NLRP3: variants seen among roughly 807,000 people sequenced by gnomAD.
NLRP3 encodes the protein NACHT, LRR and PYD domains-containing protein 3.
NLRP3 carries 48 observed loss-of-function variants against 91.3 expected under a neutral mutation model. That is an observed-to-expected ratio of 0.53 (90% CI 0.42 to 0.67). NLRP3 has a LOEUF of 0.67. Among genes scored for constraint, NLRP3 ranks in the 30% least tolerant of loss-of-function variants. The pLI, the probability that NLRP3 is intolerant of heterozygous loss-of-function variation, is 0.00. For missense variants in NLRP3, 982 were observed against 1,276.9 expected (o/e 0.77, Z 3.52); for synonymous variants, 561 against 507.9 (o/e 1.10, Z -1.41).
intron 5 of NLRP3, among the ~76,000 whole-genome samples, chr1:247,431,004 T>G (rs1455497570): frequency 6.6e-6 from 1 of 151,782 alleles, no homozygotes; most frequent in Non-Finnish European, 1.5e-5. Flanking sequence ...TTTGTATGGG[T>G]TGAAATGTCA....
At position 247,423,363 on chromosome 1, in the gene NLRP3, G is replaced by C. The variant is rs533932308; in HGVS notation, c.397+14G>C. ...AAATGAAGAAAGGTAAGCGACTGGGGTGGTGCTTCTAGTTGAGTTTTAAGA... is the reference window on the plus strand; with the variant it reads ...AAATGAAGAAAGGTAAGCGACTGGGCTGGTGCTTCTAGTTGAGTTTTAAGA... On this transcript the variant is annotated intron_variant, in intron 3 of 9. Transcript: ENST00000336119. 6.2e-7 allele frequency: 1 copy of C among 1,613,692 alleles called. No homozygotes were observed. Among genetic ancestry groups the C allele is most frequent in the African/African-American group, 1.3e-5 (1 of 74,912 alleles).
rs1283083040 is a variant in NLRP3 at position 247,424,547 on chromosome 1, G to A, written c.1098G>A (p.Val366=). The change falls in exon 4 of 10, where the codon GTG becomes GTA. Residue 366 remains valine, a synonymous_variant. Coordinates refer to ENST00000336119, the MANE Select transcript of NLRP3 (RefSeq NM_001243133.2). The surrounding 1 kb of genome is among the most constrained non-coding windows in gnomAD (Gnocchi z 8.1). ...ACTTGCTGGACCATCCTCGGCATGT[G>A]GAGATCCTGGGTTTCTCCGAGGCCA... is the stretch of plus-strand genomic sequence containing the variant. The part of the protein sequence containing the change: ...LQHLLDHPRH[V]EILGFSEAKR... 6.2e-7 allele frequency: 1 copy of A among 1,614,162 alleles called. No individual in the cohort carries two copies. The highest frequency in any genetic ancestry group is 2.2e-5 in the East Asian group (1 of 44,882).
intron 7 of NLRP3, 178 bp from the exon 8 acceptor site, chr1:247,443,794 C>T (rs1353830456): frequency 1.5e-6 from 1 of 659,602 alleles, no homozygotes; most frequent in Non-Finnish European, 2.7e-6. Context: ...TTTGTGTCTC[C>T]TGTGACAGCC....
intron 2 of NLRP3, among the ~76,000 whole-genome samples, chr1:247,419,772 T>G (rs970886118): frequency 1.3e-5 from 2 of 152,260 alleles, no homozygotes; most frequent in African/African-American, 4.8e-5. Flanking sequence ...TAAAAAAGAC[T>G]GTATAAATAC....
chr1:247,426,693 C>G (rs972065790), intron 4 of NLRP3, among the ~76,000 whole-genome samples: 1 of 152,192 alleles, frequency 6.6e-6, no homozygotes, highest in African/African-American at 2.4e-5. Context: ...TGAGGTCTGG[C>G]TGTGGGACAG....
intron 4 of NLRP3, among the ~76,000 whole-genome samples, chr1:247,428,754 A>C (rs1663091178): frequency 6.6e-6 from 1 of 152,142 alleles, no homozygotes; most frequent in South Asian, 2.1e-4. Context: ...CAGGAGTTTG[A>C]GGCTGCAGTG....
Position 247,446,039 on chromosome 1 carries a change from G to A in NLRP3, c.3005+1218G>A, listed in dbSNP as rs116010734. ...ACACCCTTGCTACTCTCTTCTACCC[G>A]AAACCTGATTCTTCCCCATTTCAGT... is the stretch of plus-strand genomic sequence containing the variant. On this transcript the variant is annotated intron_variant, in intron 9 of 9. Transcript: ENST00000336119. Among the ~76,000 whole-genome samples, 449 of 152,138 alleles carry A rather than the reference G, an allele frequency of 3.0e-3. 1 individual carries two copies. Among genetic ancestry groups the A allele is most frequent in the Non-Finnish European group, 5.0e-3 (338 of 67,998 alleles).
intron 2 of NLRP3, among the ~76,000 whole-genome samples, chr1:247,422,249 C>T (rs181229361): frequency 1.3e-4 from 20 of 151,692 alleles, no homozygotes; most frequent in South Asian, 4.2e-4. Context: ...TGTGGTGGCA[C>T]GTGTCAATAG....
Position 247,425,631 on chromosome 1 carries a change from C to T in NLRP3, c.2150+32C>T. On this transcript the variant is annotated intron_variant, in intron 4 of 9. Coordinates refer to ENST00000336119, the MANE Select transcript of NLRP3 (RefSeq NM_001243133.2). The surrounding 1 kb of genome is among the most constrained non-coding windows in gnomAD (Gnocchi z 4.1). ...AAACTCGGCTTCCAGGTGCTTCCTC[C>T]TGCTTCCTCGCCAGCTTCTTCTTGG... is the stretch of plus-strand genomic sequence containing the variant. 1 of 1,595,024 alleles carries T rather than the reference C, an allele frequency of 6.3e-7. No individual in the cohort carries two copies. The highest frequency in any genetic ancestry group is 8.5e-7 in the Non-Finnish European group (1 of 1,175,840).
chr1:247,444,083 G>C lies in NLRP3; in HGVS notation c.2775G>C (p.Lys925Asn). ...TGCGAGGCAACACTCTCGGAGACAAGGGGATCAAACTACTCTGTGAGGGAC... is the reference window on the plus strand; with the variant it reads ...TGCGAGGCAACACTCTCGGAGACAACGGGATCAAACTACTCTGTGAGGGAC... The part of the protein sequence containing the change: ...LYLRGNTLGD[K>N]GIKLLCEGLL... The change falls in exon 8 of 10, where the codon AAG (lysine) becomes AAC (asparagine). Residue 925 changes from lysine (K) to asparagine (N), a missense_variant. Lys to Asn is a moderately conservative substitution (Grantham distance 94, BLOSUM62 0). Coordinates refer to ENST00000336119, the MANE Select transcript of NLRP3 (RefSeq NM_001243133.2). The C allele has an allele frequency of 1.2e-6, 2 of 1,614,180 alleles. No individual in the cohort carries two copies. The highest frequency in any genetic ancestry group is 2.7e-5 in the African/African-American group (2 of 75,022).
At chr1:247,444,224 T>C in intron 8 of NLRP3, 82 bp downstream of exon 8, 1 of 1,380,678 alleles carries the variant, frequency 7.2e-7, no homozygotes, top group South Asian at 1.2e-5. Flanking sequence ...GGCCACAAGA[T>C]AATCTGTATC....
chr1:247,426,719 A>G (rs938209726), intron 4 of NLRP3, among the ~76,000 whole-genome samples: 12 of 152,208 alleles, frequency 7.9e-5, no homozygotes, highest in Admixed American at 1.3e-4. Context: ...AAACAAGTGC[A>G]GATGTCGGGG....
chr1:247,444,798 G>A lies in NLRP3; in HGVS notation c.2982G>A (p.Gln994=). The A allele has an allele frequency of 1.2e-6, 2 of 1,614,070 alleles. No individual in the cohort carries two copies. Among genetic ancestry groups the A allele is most frequent in the Non-Finnish European group, 1.7e-6 (2 of 1,180,032 alleles). ...VMMFCEVLKQ[Q]SCLLQNLGLS... Reference sequence around the variant, plus strand: ...TGTTCTGTGAAGTGCTGAAACAGCAGAGCTGCCTCCTGCAGAACCTGGGGT... The same window carrying A: ...TGTTCTGTGAAGTGCTGAAACAGCAAAGCTGCCTCCTGCAGAACCTGGGGT... The change falls in exon 9 of 10, where the codon CAG becomes CAA. Residue 994 remains glutamine (Q), a synonymous_variant. Transcript: ENST00000336119.
chr1:247,418,895 C>T lies in NLRP3; in HGVS notation c.95C>T (p.Pro32Leu). The change falls in exon 2 of 10, where the codon CCC becomes CTC. Residue 32 changes from proline (P) to leucine (L), a missense_variant. This residue lies in a region of NLRP3 where 548 missense variants were observed against 713.7 expected (regional missense o/e 0.77). Coordinates refer to ENST00000336119, the MANE Select transcript of NLRP3 (RefSeq NM_001243133.2). ...KFKMHLEDYP[P>L]QKGCIPLPRG... ...AAGATGCACTTAGAGGACTATCCTC[C>T]CCAGAAGGGCTGCATCCCCCTCCCG... The T allele has an allele frequency of 6.2e-7, 1 of 1,614,046 alleles. No individual in the cohort carries two copies. Among genetic ancestry groups the T allele is most frequent in the Non-Finnish European group, 8.5e-7 (1 of 1,180,008 alleles).
At chr1:247,430,175 C>G (rs1392793031) in intron 5 of NLRP3, among the ~76,000 whole-genome samples, 1 of 152,150 alleles carries the variant, frequency 6.6e-6, no homozygotes, top group Non-Finnish European at 1.5e-5. Flanking sequence ...CGCACCCGGC[C>G]GGTGGTGTGG....
chr1:247,422,345 C>T (rs1300262528), intron 2 of NLRP3, among the ~76,000 whole-genome samples: 2 of 149,404 alleles, frequency 1.3e-5, no homozygotes, highest in East Asian at 3.9e-4. Context: ...TGTCATTGCA[C>T]TCCAGCCTGG....
At chr1:247,440,967 A>G (rs1664168334) in intron 7 of NLRP3, among the ~76,000 whole-genome samples, 1 of 152,082 alleles carries the variant, frequency 6.6e-6, no homozygotes. Context: ...TAACATTCCC[A>G]TCTTGAGGTT....
intron 3 of NLRP3, 23 bp downstream of exon 3, chr1:247,423,372 C>T (rs1413121625): frequency 1.2e-5 from 20 of 1,613,386 alleles, no homozygotes; most frequent in Non-Finnish European, 1.5e-5. Context: ...GGTGGTGCTT[C>T]TAGTTGAGTT....
At chr1:247,419,794 A>T (rs1253266164) in intron 2 of NLRP3, among the ~76,000 whole-genome samples, 1 of 152,230 alleles carries the variant, frequency 6.6e-6, no homozygotes. Flanking sequence ...CCATGGTACC[A>T]TATACCAAAT....
Sources: gnomAD v4.1 joint callset for allele counts (sites outside exome capture counted in the v4.1 genomes callset) on GRCh38, gnomAD v4.1.1 for gene constraint, gnomAD v4.1.1 regional missense constraint, Gnocchi (gnomAD v3.1) non-coding constraint, MANE v1.5 for transcripts, NCBI Gene and HGNC (gene_info 2026-07-23, HGNC 2026-07-21) for gene names.